The following RTF1 variants were observed in gnomAD, a reference collection of about 807,000 sequenced individuals.
RTF1 encodes the protein RTF1 homolog, Paf1/RNA polymerase II complex component.
In RTF1, 10 loss-of-function variants were observed where a neutral mutation model predicts 95.7. That is an observed-to-expected ratio of 0.10 (90% confidence interval 0.06 to 0.18). RTF1 has a LOEUF of 0.18. RTF1 is among the 10% of genes least tolerant of loss of function. The pLI is 1.00. For synonymous variants in RTF1, 305 were observed against 311.8 expected, an observed-to-expected ratio of 0.98 and a Z score of 0.23; for missense variants, 458 against 875.6, an observed-to-expected ratio of 0.52 and a Z score of 6.02.
intron 2 of RTF1, among the ~76,000 whole-genome samples, chr15:41,439,117 C>T (rs191886991): frequency 2.0e-5 from 3 of 151,256 alleles, no homozygotes; most frequent in East Asian, 2.0e-4. Flanking sequence ...CTGCAACTTC[C>T]GCCTTCCAGG....
At chr15:41,425,601 AGAAT>A (rs2050624899) in intron 1 of RTF1, among the ~76,000 whole-genome samples, 1 of 152,174 alleles carries the variant, frequency 6.6e-6, no homozygotes, top group South Asian at 2.1e-4. Flanking sequence ...AAGTTCCATT[AGAAT>A]GGAAGCGCCA....
chr15:41,481,195 G>GGAA lies in RTF1; in HGVS notation c.*513_*515dup, dbSNP rs975599960. On this transcript the variant is annotated 3_prime_UTR_variant, in exon 18 of 18. Coordinates refer to ENST00000389629, the MANE Select transcript of RTF1 (RefSeq NM_015138.5). ...ATCTTTCTCTTCTGCCCTTCTTTTT[G>GGAA]GAAGAAGGGGTTTCAAAACCAGTTT... 1.5e-5 allele frequency: 2 copies of GGAA among 137,154 alleles called. No homozygotes were observed. Among genetic ancestry groups the GGAA allele is most frequent in the African/African-American group, 5.4e-5 (2 of 36,888 alleles). 8.5% of individuals were successfully genotyped at this position (137,154 alleles called of 1,614,324 possible).
intron 3 of RTF1, among the ~76,000 whole-genome samples, chr15:41,454,113 C>T (rs1037134208): frequency 6.6e-6 from 1 of 151,790 alleles, no homozygotes; most frequent in African/African-American, 2.4e-5. Context: ...AATTTATTAT[C>T]GAGACAGAGT....
chr15:41,420,912 TTA>T (rs2050597271), intron 1 of RTF1, among the ~76,000 whole-genome samples: 2 of 152,322 alleles, frequency 1.3e-5, no homozygotes, highest in South Asian at 4.1e-4. Context: ...TAATTATGAT[TTA>T]TGTTAGTGAT....
chr15:41,468,572 C>T (rs912172194), intron 6 of RTF1, among the ~76,000 whole-genome samples: 40 of 152,294 alleles, frequency 2.6e-4, no homozygotes, highest in African/African-American at 8.9e-4. Context: ...CCGCCTCGGC[C>T]TCCCAAAGTG....
chr15:41,469,724 C>T (rs1209211808), intron 6 of RTF1, among the ~76,000 whole-genome samples: 2 of 152,052 alleles, frequency 1.3e-5, no homozygotes, highest in Admixed American at 1.3e-4. Flanking sequence ...AGAGTTTCAC[C>T]ATGTTGACCA....
intron 4 of RTF1, among the ~76,000 whole-genome samples, chr15:41,460,977 G>A (rs2050845038): frequency 6.6e-6 from 1 of 150,534 alleles, no homozygotes; most frequent in Admixed American, 6.7e-5. Flanking sequence ...ACCAGGTTCA[G>A]TGATTCTCCT....
At chr15:41,478,858 G>T (rs2050955691) in intron 15 of RTF1, 1 of 607,650 alleles carries the variant, frequency 1.6e-6, no homozygotes. Flanking sequence ...GTATCAGGGT[G>T]GGTTTACAGT....
chr15:41,448,797 A>G (rs2050775839), intron 2 of RTF1: 2 of 152,092 alleles, frequency 1.3e-5, no homozygotes, highest in African/African-American at 2.4e-5. Context: ...GGGCCATGCT[A>G]ATCTTTTCTG....
intron 8 of RTF1, among the ~76,000 whole-genome samples, chr15:41,473,260 A>C (rs1279287256): frequency 6.6e-6 from 1 of 151,690 alleles, no homozygotes; most frequent in African/African-American, 2.4e-5. Flanking sequence ...CAGCCTCCCG[A>C]GTAGCTGGGA....
In RTF1 at chr15:41,466,163, G is replaced by C; in HGVS notation, c.800G>C (p.Arg267Pro). The change falls in exon 6 of 18, where the codon CGG (arginine) becomes CCG (proline). Residue 267 changes from arginine (R) to proline (P), a missense_variant. This residue lies in a region of RTF1 where 39 missense variants were observed against 43.8 expected (regional missense o/e 0.89). Coordinates refer to ENST00000389629, the MANE Select transcript of RTF1 (RefSeq NM_015138.5). ...ESQVTSHNKE[R>P]RSKRDEKLDK... ...TAGGTAACATCCCACAACAAGGAAC[G>C]GCGTTCCAAGCGGGATGAGAAACTA... 1 of 1,586,538 alleles carries C rather than the reference G, an allele frequency of 6.3e-7. No individual in the cohort carries two copies. The highest frequency in any genetic ancestry group is 8.6e-7 in the Non-Finnish European group (1 of 1,167,660).
chr15:41,439,325 C>T lies in RTF1; in HGVS notation c.309+894C>T, dbSNP rs1034260322. On this transcript the variant is annotated intron_variant, in intron 2 of 17. Transcript: ENST00000389629. ...CTGGGATTACAGGTGTGAGCCACTG[C>T]GCCCGGACTCTCTTTTTTCTTTTTG... 4.6e-5 allele frequency among the ~76,000 whole-genome samples: 7 copies of T among 152,068 alleles called. No individual in the cohort carries two copies. The East Asian group carries it at 5.8e-4, about 13-fold the overall frequency.
intron 1 of RTF1, among the ~76,000 whole-genome samples, chr15:41,431,288 C>CA (rs2050671266): frequency 6.8e-6 from 1 of 148,078 alleles, no homozygotes; most frequent in Non-Finnish European, 1.5e-5. Context: ...AATCTCGGCT[C>CA]ACTGCAACCT....
At chr15:41,473,053 T>TTATGC (rs1369305546) in intron 8 of RTF1, among the ~76,000 whole-genome samples, 3 of 152,134 alleles carry the variant, frequency 2.0e-5, no homozygotes, top group African/African-American at 4.8e-5. Context: ...TCTCTGTTTC[T>TTATGC]TATGCTGGTC....
chr15:41,459,032 A>C (rs1595435258), intron 4 of RTF1, among the ~76,000 whole-genome samples: 1 of 152,204 alleles, frequency 6.6e-6, no homozygotes, highest in East Asian at 1.9e-4. Flanking sequence ...AGATTATGCC[A>C]CTGGACTCCA....
Position 41,483,090 on chromosome 15 carries a change from G to A in RTF1, c.*2403G>A, listed in dbSNP as rs949155669. On this transcript the variant is annotated 3_prime_UTR_variant, in exon 18 of 18. Transcript: ENST00000389629. ...AAAGCCAACCAAAGAAGACCGAAGGGTATCTTTCCACCCGAGTAGCCTCTG... is the reference window on the plus strand; with the variant it reads ...AAAGCCAACCAAAGAAGACCGAAGGATATCTTTCCACCCGAGTAGCCTCTG... The A allele has an allele frequency of 6.5e-6, 1 of 152,680 alleles. No individual in the cohort carries two copies. The highest frequency in any genetic ancestry group is 1.5e-5 in the Non-Finnish European group (1 of 68,046). 9.5% of individuals were successfully genotyped at this position (152,680 alleles called of 1,614,324 possible). A position where few individuals can be genotyped will look rare whatever the true frequency, so the allele number is the denominator to read the frequency against.
chr15:41,461,682 G>C (rs1459140758), intron 4 of RTF1, among the ~76,000 whole-genome samples: 1 of 150,144 alleles, frequency 6.7e-6, no homozygotes, highest in African/African-American at 2.5e-5. Context: ...GTAGAGATGG[G>C]GTTTCACCGT....
intron 6 of RTF1, 107 bp from the exon 7 acceptor site, chr15:41,470,150 G>A: frequency 8.5e-7 from 1 of 1,179,478 alleles, no homozygotes; most frequent in Admixed American, 2.0e-5. Flanking sequence ...AGTCTAGAGA[G>A]GACGGAGCTG....
chr15:41,458,407 G>T (rs557843989), intron 4 of RTF1, among the ~76,000 whole-genome samples: 1 of 152,104 alleles, frequency 6.6e-6, no homozygotes, highest in Non-Finnish European at 1.5e-5. Flanking sequence ...CATAAAACAC[G>T]CTGTGGCCAT....
Sources: gnomAD v4.1 joint callset for allele counts (sites outside exome capture counted in the v4.1 genomes callset) on GRCh38, gnomAD v4.1.1 for gene constraint, gnomAD v4.1.1 regional missense constraint, MANE v1.5 for transcripts, NCBI Gene and HGNC (gene_info 2026-07-23, HGNC 2026-07-21) for gene names.